Variants in LIPI observed in about 807,000 individuals in gnomAD.
The protein encoded by LIPI is lipase member I.
Under a neutral mutation model 50.6 loss-of-function variants are expected in LIPI, and 59 were observed. That is an observed-to-expected ratio of 1.16 (90% CI 0.94 to 1.45). The LOEUF is 1.45. Among genes scored for constraint, LIPI ranks in the 40% most tolerant of loss-of-function variants. The pLI is 0.00. For synonymous variants in LIPI, 203 were observed against 178.2 expected, an observed-to-expected ratio of 1.14 and a Z score of -1.11; for missense variants, 586 against 536.3, an observed-to-expected ratio of 1.09 and a Z score of -0.92.
intron 9 of LIPI, among the ~76,000 whole-genome samples, chr21:14,134,174 T>A (rs1228276394): frequency 6.6e-6 from 1 of 152,104 alleles, no homozygotes; most frequent in African/African-American, 2.4e-5. Flanking sequence ...AAGGCTGTAG[T>A]GAACTGTGAT....
intron 8 of LIPI, among the ~76,000 whole-genome samples, chr21:14,145,118 T>A (rs1462311601): frequency 1.4e-4 from 3 of 21,248 alleles, no homozygotes; most frequent in Non-Finnish European, 2.2e-4. Context: ...TCATCCTATA[T>A]GTGTTTTTTA....
At chr21:14,194,071 A>G (rs993436619) in intron 1 of LIPI, among the ~76,000 whole-genome samples, 5 of 152,244 alleles carry the variant, frequency 3.3e-5, no homozygotes, top group African/African-American at 1.2e-4. Flanking sequence ...TTGGGGAAAC[A>G]GAAATCAAAA....
At chr21:14,179,462 A>T (rs139925182) in intron 4 of LIPI, among the ~76,000 whole-genome samples, 20 of 152,314 alleles carry the variant, frequency 1.3e-4, no homozygotes, top group African/African-American at 4.3e-4. Context: ...TCATCAAAAG[A>T]TGTTGCAAAT....
intron 4 of LIPI, among the ~76,000 whole-genome samples, chr21:14,168,781 C>T (rs147186116): frequency 0.86 from 131,156 of 152,134 alleles, 57,002 homozygotes; most frequent in East Asian, 0.97. Context: ...GTAAAGACCA[C>T]TGAGGCTAGG....
intron 4 of LIPI, among the ~76,000 whole-genome samples, chr21:14,176,162 T>C (rs376449191): frequency 9.0e-5 from 12 of 133,182 alleles, no homozygotes; most frequent in Admixed American, 6.4e-4. Context: ...TGGGCGACAG[T>C]GAGACTCCGT....
intron 1 of LIPI, among the ~76,000 whole-genome samples, chr21:14,208,751 C>T (rs114787642): frequency 0.02 from 3,058 of 152,242 alleles, 103 homozygotes; most frequent in African/African-American, 0.07. Flanking sequence ...ACTATCTGGT[C>T]GTTTACAAAA....
chr21:14,185,937 A>T, intron 3 of LIPI, 24 bp downstream of exon 3: 1 of 1,299,306 alleles, frequency 7.7e-7, no homozygotes, highest in East Asian at 2.3e-5. Flanking sequence ...TGCTAAAGCA[A>T]TAATTTTATA....
intron 1 of LIPI, among the ~76,000 whole-genome samples, chr21:14,209,901 ATATAAAT>A (rs2020320998): frequency 6.6e-6 from 1 of 152,004 alleles, no homozygotes; most frequent in African/African-American, 2.4e-5. Flanking sequence ...AAGAGTAATA[ATATAAAT>A]TATAAACTAC....
intron 4 of LIPI, among the ~76,000 whole-genome samples, chr21:14,171,545 T>C (rs28883061): frequency 0.5 from 72,211 of 145,174 alleles, 18,580 homozygotes; most frequent in Non-Finnish European, 0.55. Context: ...AGAACAGAGC[T>C]CTCAGAAACA....
intron 9 of LIPI, among the ~76,000 whole-genome samples, chr21:14,136,994 C>T (rs2017523339): frequency 6.6e-6 from 1 of 152,092 alleles, no homozygotes; most frequent in African/African-American, 2.4e-5. Context: ...TATGAGTCTC[C>T]AAGAACCACA....
At chr21:14,188,030 A>G (rs767680889) in intron 2 of LIPI, among the ~76,000 whole-genome samples, 12 of 152,170 alleles carry the variant, frequency 7.9e-5, no homozygotes, top group Non-Finnish European at 1.8e-4. Flanking sequence ...AAAGTTCAGC[A>G]CAACACAACT....
At chr21:14,112,507 T>G (rs1173782811) in intron 9 of LIPI, among the ~76,000 whole-genome samples, 1 of 152,114 alleles carries the variant, frequency 6.6e-6, no homozygotes, top group Non-Finnish European at 1.5e-5. Flanking sequence ...CTTCTTCAAT[T>G]TATTTCATCA....
Position 14,165,290 on chromosome 21 carries a change from G to T in LIPI, c.834C>A (p.Tyr278Ter). The change falls in exon 6 of 10, where the codon TAC becomes TAA. Residue 278 changes from tyrosine (Y) to a stop codon, truncating the protein, a stop_gained. Coordinates refer to ENST00000681601, the MANE Select transcript of LIPI (RefSeq NM_001302998.2). LOFTEE classifies it high-confidence loss of function. ...CACATAAGCTAGTCTTGTAATCTTTGTATGAACGACAAGGAAATGAAATAA... is the reference window on the plus strand; with the variant it reads ...CACATAAGCTAGTCTTGTAATCTTTTTATGAACGACAAGGAAATGAAATAA... ...CNFISFPCRS[Y>*]KDYKTSLCVD... The T allele has an allele frequency of 1.2e-6, 2 of 1,612,272 alleles. No homozygotes were observed. The highest frequency in any genetic ancestry group is 1.7e-6 in the Non-Finnish European group (2 of 1,178,772).
chr21:14,163,075 T>A (rs1445212190), intron 7 of LIPI, among the ~76,000 whole-genome samples: 3 of 119,046 alleles, frequency 2.5e-5, no homozygotes, highest in Non-Finnish European at 5.2e-5. Context: ...GTTTTATTAA[T>A]AATGGGTGTT....
rs547011607 is a variant in LIPI at position 14,182,174 on chromosome 21, C to T, written c.542-315G>A. 3.9e-5 allele frequency among the ~76,000 whole-genome samples: 6 copies of T among 152,200 alleles called. No individual in the cohort carries two copies. The East Asian group carries it at 1.2e-3, about 29-fold the overall frequency. On this transcript the variant is annotated intron_variant, in intron 3 of 9. Coordinates refer to ENST00000681601, the MANE Select transcript of LIPI (RefSeq NM_001302998.2). ...TATTTAATAATAACTACAACTATTT[C>T]TCCTGAAGGAAAAAAATAATGAATA...
At chr21:14,172,964 A>G (rs2018972380) in intron 4 of LIPI, among the ~76,000 whole-genome samples, 1 of 152,204 alleles carries the variant, frequency 6.6e-6, no homozygotes, top group South Asian at 2.1e-4. Context: ...ACAAGTAAAT[A>G]CAGAGTATGT....
rs149699756 is a variant in LIPI at position 14,156,575 on chromosome 21, A to G, written c.1007-3891T>C. Reference sequence around the variant, plus strand: ...CTGGACTACCGAACTTTAAGATAGTATATTTGTGTTGTTTTAAGCCACCAA... The same window carrying G: ...CTGGACTACCGAACTTTAAGATAGTGTATTTGTGTTGTTTTAAGCCACCAA... On this transcript the variant is annotated intron_variant, in intron 7 of 9. Coordinates refer to ENST00000681601, the MANE Select transcript of LIPI (RefSeq NM_001302998.2). 8.8e-4 allele frequency among the ~76,000 whole-genome samples: 134 copies of G among 152,086 alleles called. 2 individuals carry two copies. In the East Asian group the frequency reaches 0.014, roughly 16 times the overall value.
At chr21:14,169,874 T>A (rs1386439341) in intron 4 of LIPI, among the ~76,000 whole-genome samples, 1 of 151,670 alleles carries the variant, frequency 6.6e-6, no homozygotes, top group Non-Finnish European at 1.5e-5. Flanking sequence ...AGAGCAGAAC[T>A]GAAGGAAATA....
In LIPI at chr21:14,166,403, C is replaced by A. The variant is rs532496995; in HGVS notation, c.692G>T (p.Gly231Val). The A allele has an allele frequency of 2.5e-6, 4 of 1,610,622 alleles. No individual in the cohort carries two copies. The African/African-American group carries it at 4.0e-5, about 16-fold the overall frequency. Reference sequence around the variant, plus strand: ...AGGACAGCCAGGTTGTTTATTTCCTCCATTTGGATAAAAATCTATATGTCC... The same window carrying A: ...AGGACAGCCAGGTTGTTTATTTCCTACATTTGGATAAAAATCTATATGTCC... ...PLGHIDFYPN[G>V]GNKQPGCPKS... The change falls in exon 5 of 10, where the codon GGA (glycine) becomes GTA (valine). Residue 231 changes from glycine (G) to valine (V), a missense_variant. Coordinates refer to ENST00000681601, the MANE Select transcript of LIPI (RefSeq NM_001302998.2).
Sources: allele counts gnomAD v4.1 joint callset (sites outside exome capture counted in the v4.1 genomes callset), GRCh38; gene constraint gnomAD v4.1.1; transcripts MANE v1.5; gene names NCBI Gene and HGNC (gene_info 2026-07-23, HGNC 2026-07-21).